L3MBTL4: variants seen among roughly 807,000 people sequenced by gnomAD.
L3MBTL4 encodes L3MBTL histone methyl-lysine binding protein 4.
Under a neutral mutation model 84.5 loss-of-function variants are expected in L3MBTL4, and 70 were observed. That is an observed-to-expected ratio of 0.83 (90% CI 0.68 to 1.01). L3MBTL4 has a LOEUF of 1.01. L3MBTL4 is among the 50% of genes least tolerant of loss of function. The probability of loss-of-function intolerance (pLI) is 0.00; values close to 1 mark genes in which losing one functional copy is unlikely to be tolerated. For missense variants in L3MBTL4, 715 were observed against 754.8 expected (o/e 0.95, Z 0.62); for synonymous variants, 274 against 259.8 (o/e 1.05, Z -0.52).
intron 1 of L3MBTL4, among the ~76,000 whole-genome samples, chr18:6,386,228 G>T (rs1396965957): frequency 6.6e-6 from 1 of 151,904 alleles, no homozygotes; most frequent in Admixed American, 6.6e-5. Context: ...AGTAGAGAAA[G>T]AAAAAAAATA....
chr18:6,367,824 G>A (rs1185557682), intron 1 of L3MBTL4: 1 of 152,184 alleles, frequency 6.6e-6, no homozygotes, highest in African/African-American at 2.4e-5. Context: ...GACGCCATGA[G>A]CTTTACTTAC....
At chr18:6,082,618 C>T (rs2058117482) in intron 15 of L3MBTL4, among the ~76,000 whole-genome samples, 1 of 152,042 alleles carries the variant, frequency 6.6e-6, no homozygotes, top group Non-Finnish European at 1.5e-5. Flanking sequence ...CTTAAAGCCC[C>T]CTTCTGCAAT....
intron 14 of L3MBTL4, among the ~76,000 whole-genome samples, chr18:6,129,347 A>G (rs2059800888): frequency 6.7e-6 from 1 of 148,858 alleles, no homozygotes; most frequent in Admixed American, 6.7e-5. Flanking sequence ...GGATACTCTT[A>G]ACAATTTACT....
At chr18:6,347,619 CT>C (rs199620848) in intron 1 of L3MBTL4, among the ~76,000 whole-genome samples, 1,608 of 151,386 alleles carry the variant, frequency 0.011, 18 homozygotes, top group Middle Eastern at 0.048. Flanking sequence ...CAATTCATAA[CT>C]TTTTAAAAAA....
At chr18:6,149,794 T>G (rs1182386912) in intron 13 of L3MBTL4, among the ~76,000 whole-genome samples, 3 of 152,238 alleles carry the variant, frequency 2.0e-5, no homozygotes, top group Admixed American at 6.5e-5. Context: ...ACTTGGTTTA[T>G]GTAATTGAAT....
intron 10 of L3MBTL4, among the ~76,000 whole-genome samples, chr18:6,228,050 G>A (rs907430647): frequency 2.0e-5 from 3 of 152,190 alleles, no homozygotes; most frequent in Admixed American, 1.3e-4. Flanking sequence ...GCTTGACAAC[G>A]TGGTATTAAT....
intron 1 of L3MBTL4, among the ~76,000 whole-genome samples, chr18:6,318,494 T>A (rs1174630931): frequency 1.6e-3 from 23 of 14,198 alleles, no homozygotes; most frequent in East Asian, 8.4e-3. Flanking sequence ...ACAACAATAG[T>A]AAAAAAAAAA....
chr18:6,380,037 T>A (rs975443356), intron 1 of L3MBTL4, among the ~76,000 whole-genome samples: 2 of 152,184 alleles, frequency 1.3e-5, no homozygotes, highest in African/African-American at 4.8e-5. Context: ...CTTCCTGGTT[T>A]AGTCTTGGGA....
At chr18:6,250,629 G>T (rs553041745) in intron 5 of L3MBTL4, among the ~76,000 whole-genome samples, 15 of 152,282 alleles carry the variant, frequency 9.9e-5, no homozygotes, top group Non-Finnish European at 1.9e-4. Context: ...ATTCAGCATT[G>T]AGAGAGGTGG....
chr18:6,368,350 C>A (rs1432027897), intron 1 of L3MBTL4, among the ~76,000 whole-genome samples: 1 of 152,166 alleles, frequency 6.6e-6, no homozygotes, highest in East Asian at 1.9e-4. Context: ...CACATGCTCC[C>A]ATTCCACTCA....
At position 6,167,612 on chromosome 18, in the gene L3MBTL4, T is replaced by G. The variant is rs138655985; in HGVS notation, c.1096+4216A>C. Among the ~76,000 whole-genome samples, 4 of 152,176 alleles carry G rather than the reference T, an allele frequency of 2.6e-5. No individual in the cohort carries two copies. In the East Asian group the frequency reaches 5.8e-4, roughly 22 times the overall value. On this transcript the variant is annotated intron_variant, in intron 13 of 18. Coordinates refer to ENST00000317931, the MANE Select transcript of L3MBTL4 (RefSeq NM_001330559.2). ...TCTCAATAGAGACAGAAAAGGCATG[T>G]GACAAAATTCAACAACCCTTCATGC... is the stretch of plus-strand genomic sequence containing the variant.
At chr18:6,239,273 G>A (rs1160563274) in intron 9 of L3MBTL4, among the ~76,000 whole-genome samples, 6 of 146,010 alleles carry the variant, frequency 4.1e-5, no homozygotes, top group African/African-American at 1.3e-4. Context: ...CCCGGGAGGC[G>A]AAGCTTGCAG....
chr18:6,139,211 A>G (rs2060120917), intron 13 of L3MBTL4, among the ~76,000 whole-genome samples: 1 of 152,102 alleles, frequency 6.6e-6, no homozygotes, highest in African/African-American at 2.4e-5. Context: ...ACACTACACC[A>G]TACTATATGC....
At chr18:6,322,974 G>A (rs2051506496) in intron 1 of L3MBTL4, among the ~76,000 whole-genome samples, 1 of 152,050 alleles carries the variant, frequency 6.6e-6, no homozygotes, top group South Asian at 2.1e-4. Flanking sequence ...GTATTGTCTT[G>A]GTAACAGTGA....
At chr18:6,041,058 A>G (rs1169473564) in intron 16 of L3MBTL4, among the ~76,000 whole-genome samples, 1 of 152,248 alleles carries the variant, frequency 6.6e-6, no homozygotes, top group Non-Finnish European at 1.5e-5. Flanking sequence ...ATTCCCAATC[A>G]GGAGTCAGGG....
At chr18:6,042,124 G>A (rs569491008) in intron 16 of L3MBTL4, among the ~76,000 whole-genome samples, 3 of 152,250 alleles carry the variant, frequency 2.0e-5, no homozygotes, top group Admixed American at 6.5e-5. Context: ...GTGGCCTCAT[G>A]CTTTACAGAG....
At chr18:6,221,265 T>G (rs1351213431) in intron 10 of L3MBTL4, among the ~76,000 whole-genome samples, 1 of 152,134 alleles carries the variant, frequency 6.6e-6, no homozygotes, top group African/African-American at 2.4e-5. Flanking sequence ...ACAACCACAA[T>G]TATACTGGTG....
chr18:6,139,514 C>A (rs1192841372), intron 13 of L3MBTL4, among the ~76,000 whole-genome samples: 1 of 151,842 alleles, frequency 6.6e-6, no homozygotes, highest in Non-Finnish European at 1.5e-5. Context: ...CACACACATA[C>A]ACATGTGCAC....
At chr18:6,080,774 C>G in intron 16 of L3MBTL4, 107 bp downstream of exon 16, 1 of 804,490 alleles carries the variant, frequency 1.2e-6, no homozygotes, top group Non-Finnish European at 1.9e-6. Context: ...TAGTTAGGCT[C>G]TTTCTACCAT....
Sources: gnomAD v4.1 joint callset for allele counts (sites outside exome capture counted in the v4.1 genomes callset) on GRCh38, gnomAD v4.1.1 for gene constraint, MANE v1.5 for transcripts, NCBI Gene and HGNC (gene_info 2026-07-23, HGNC 2026-07-21) for gene names.